SSPN: variants seen among roughly 807,000 people sequenced by gnomAD.
The protein encoded by SSPN is sarcospan.
In SSPN, 15 loss-of-function variants were observed where a neutral mutation model predicts 19.1. The observed-to-expected ratio is 0.78, with a 90% CI of 0.52 to 1.21. The LOEUF is 1.21. Among genes scored for constraint, SSPN ranks in the 50% most tolerant of loss-of-function variants. The pLI is 0.00. For missense variants in SSPN, 291 were observed against 314.0 expected, an observed-to-expected ratio of 0.93 and a Z score of 0.55; for synonymous variants, 147 against 140.3, an observed-to-expected ratio of 1.05 and a Z score of -0.34.
intron 1 of SSPN, among the ~76,000 whole-genome samples, chr12:26,144,271 T>G (rs970205829): frequency 2.6e-5 from 4 of 152,156 alleles, no homozygotes; most frequent in African/African-American, 9.7e-5. Context: ...GCAAGTGATT[T>G]AGAATGCAGA....
intron 1 of SSPN, chr12:26,122,263 C>G: frequency 1.6e-6 from 2 of 1,231,794 alleles, no homozygotes; most frequent in Non-Finnish European, 2.0e-6. Context: ...GGCGACAACA[C>G]CGAGGACAGG....
At chr12:26,198,509 G>A (rs1397402112) in intron 1 of SSPN, among the ~76,000 whole-genome samples, 2 of 152,178 alleles carry the variant, frequency 1.3e-5, no homozygotes, top group East Asian at 1.9e-4. Context: ...TAGTGCCAAC[G>A]AATGGCATGA....
chr12:26,124,144 C>T (rs1944340581), intron 1 of SSPN: 1 of 1,612,232 alleles, frequency 6.2e-7, no homozygotes. Context: ...CTCTTCTTTT[C>T]TTTTCTATTA....
At chr12:26,122,014 GTA>G in exon 1 of SSPN, 1 of 1,546,066 alleles carries the variant, frequency 6.5e-7, no homozygotes, top group Non-Finnish European at 8.7e-7. Flanking sequence ...CTCCTTAAGG[GTA>G]TTTTAACTTC....
chr12:26,156,991 A>G (rs1944559544), intron 1 of SSPN, among the ~76,000 whole-genome samples: 1 of 152,202 alleles, frequency 6.6e-6, no homozygotes, highest in South Asian at 2.1e-4. Context: ...ATACATTTCT[A>G]ATGGTAAATT....
At chr12:26,126,903 C>CT (rs1164589319) in intron 1 of SSPN, among the ~76,000 whole-genome samples, 3 of 152,186 alleles carry the variant, frequency 2.0e-5, no homozygotes, top group Non-Finnish European at 4.4e-5. Flanking sequence ...AAAATGCTGA[C>CT]TTTATTTTAA....
intron 1 of SSPN, chr12:26,122,455 G>A (rs1944318052): frequency 1.5e-6 from 2 of 1,356,994 alleles, no homozygotes; most frequent in South Asian, 1.6e-5. Flanking sequence ...GAAGGCGAGA[G>A]GAAGCAGAAG....
Position 26,195,968 on chromosome 12 carries a change from T to C in SSPN, c.279+17T>C. 6.8e-7 allele frequency: 1 copy of C among 1,470,902 alleles called. No homozygotes were observed. Among genetic ancestry groups the C allele is most frequent in the Non-Finnish European group, 9.0e-7 (1 of 1,110,650 alleles). 91.1% of individuals were successfully genotyped at this position (1,470,902 alleles called of 1,614,324 possible). ...GGGATCATTGTAAGCATCAAGTCTG[T>C]TTTGCCTAAGCGCGTTTGCCAAACA... On this transcript the variant is annotated intron_variant, in intron 1 of 2. Transcript: ENST00000242729.
intron 1 of SSPN, chr12:26,123,156 A>G (rs1485522774): frequency 6.3e-7 from 1 of 1,594,794 alleles, no homozygotes; most frequent in African/African-American, 1.3e-5. Context: ...GGGCGATTTC[A>G]GAGATCGCTC....
rs1945152205 is a variant in SSPN at position 26,224,143 on chromosome 12, G to A, written c.280-150G>A. ...CTAATTTTAAAGTGGTTTTCCACCA[G>A]TTGAAAGAAAAACACAGTACATAAA... On this transcript the variant is annotated intron_variant, in intron 1 of 2. Coordinates refer to ENST00000242729, the MANE Select transcript of SSPN (RefSeq NM_005086.5). The A allele has an allele frequency of 6.6e-6, 4 of 602,290 alleles. No homozygotes were observed. The East Asian group carries it at 1.1e-4, about 17-fold the overall frequency. The allele number at this position is 602,290 out of a possible 1,614,324, so 37.3% of individuals were successfully genotyped here.
chr12:26,170,978 A>G (rs1944650504), intron 1 of SSPN, among the ~76,000 whole-genome samples: 1 of 152,232 alleles, frequency 6.6e-6, no homozygotes, highest in Non-Finnish European at 1.5e-5. Context: ...TCCTCATTTT[A>G]TGAATGAGAA....
intron 1 of SSPN, among the ~76,000 whole-genome samples, chr12:26,140,992 A>T (rs1462729015): frequency 6.6e-6 from 1 of 152,208 alleles, no homozygotes; most frequent in Non-Finnish European, 1.5e-5. Flanking sequence ...AACGTATTTC[A>T]GTTAGATCAA....
intron 1 of SSPN, chr12:26,181,053 T>C (rs1050725214): frequency 1.3e-5 from 2 of 152,284 alleles, no homozygotes; most frequent in Non-Finnish European, 2.9e-5. Flanking sequence ...AGAAGCAGGC[T>C]GGAAAGAAAG....
intron 1 of SSPN, among the ~76,000 whole-genome samples, chr12:26,166,417 T>A (rs1213685867): frequency 6.6e-6 from 1 of 152,212 alleles, no homozygotes; most frequent in African/African-American, 2.4e-5. Context: ...GAGATATGGT[T>A]GAAAGGAACC....
intron 1 of SSPN, among the ~76,000 whole-genome samples, chr12:26,182,752 T>C (rs955449832): frequency 7.1e-6 from 1 of 140,414 alleles, no homozygotes; most frequent in African/African-American, 2.6e-5. Context: ...TGTGGAGTCT[T>C]TTAAAAGTAC....
At chr12:26,131,910 T>C (rs962845364) in intron 1 of SSPN, among the ~76,000 whole-genome samples, 14 of 152,158 alleles carry the variant, frequency 9.2e-5, no homozygotes, top group Non-Finnish European at 4.4e-5. Context: ...CTAGGTGTGC[T>C]CCAGGGTGTC....
chr12:26,123,747 G>A, intron 1 of SSPN: 1 of 1,600,394 alleles, frequency 6.2e-7, no homozygotes, highest in South Asian at 1.1e-5. Context: ...AGAGTCTGCA[G>A]TGGTGCAAAA....
chr12:26,159,105 C>T (rs900300926), intron 1 of SSPN, among the ~76,000 whole-genome samples: 1 of 152,212 alleles, frequency 6.6e-6, no homozygotes, highest in Non-Finnish European at 1.5e-5. Flanking sequence ...TGGCTCTACT[C>T]AGCCCTGGCC....
chr12:26,182,615 TTCCC>T (rs1944726562), intron 1 of SSPN, among the ~76,000 whole-genome samples: 1 of 113,068 alleles, frequency 8.8e-6, no homozygotes, highest in African/African-American at 3.5e-5. Flanking sequence ...TTCCCTTCCC[TTCCC>T]TTCCCTTCCC....
Sources: gnomAD v4.1 joint callset for allele counts (sites outside exome capture counted in the v4.1 genomes callset) on GRCh38, gnomAD v4.1.1 for gene constraint, MANE v1.5 for transcripts, NCBI Gene and HGNC (gene_info 2026-07-23, HGNC 2026-07-21) for gene names.